BRWD1: variants seen among roughly 807,000 people sequenced by gnomAD.
BRWD1 encodes bromodomain and WD repeat domain containing 1.
Under a neutral mutation model 251.2 loss-of-function variants are expected in BRWD1, and 82 were observed. That is an observed-to-expected ratio of 0.33 (90% confidence interval 0.27 to 0.39). BRWD1 has a LOEUF of 0.39. Among genes scored for constraint, BRWD1 ranks in the 10% least tolerant of loss-of-function variants. The pLI, the probability that BRWD1 is intolerant of heterozygous loss-of-function variation, is 1.00. For missense variants in BRWD1, 2,233 were observed against 2,711.6 expected (o/e 0.82, Z 3.92); for synonymous variants, 918 against 902.8 (o/e 1.02, Z -0.30).
upstream of BRWD1, among the ~76,000 whole-genome samples, chr21:39,315,488 G>A (rs985583824): frequency 1.3e-5 from 2 of 152,004 alleles, no homozygotes; most frequent in Admixed American, 6.5e-5. Context: ...AAAAAAATTA[G>A]CCAGGTGTGG....
chr21:39,274,470 A>T lies in BRWD1; in HGVS notation c.1148T>A (p.Phe383Tyr). ...SIQFCNNGDR[F>Y]LSGSRDGTAR... ...TGTTCCATCTCTGCTACCACTTAGGAACCTTAAAACATTCAGAACAGGATC... is the reference window on the plus strand; with the variant it reads ...TGTTCCATCTCTGCTACCACTTAGGTACCTTAAAACATTCAGAACAGGATC... Residue 383 changes from phenylalanine to tyrosine, a missense_variant and splice_region_variant, in exon 13 of 41, where the codon TTC (phenylalanine) becomes TAC (tyrosine). Phe to Tyr is a conservative substitution (Grantham distance 22). This residue lies in a region of BRWD1 where 315 missense variants were observed against 421.8 expected (regional missense o/e 0.75). Coordinates refer to ENST00000342449, the MANE Select transcript of BRWD1 (RefSeq NM_033656.4). 1 of 1,612,186 alleles carries T rather than the reference A, an allele frequency of 6.2e-7. No individual in the cohort carries two copies. Among genetic ancestry groups the T allele is most frequent in the Non-Finnish European group, 8.5e-7 (1 of 1,178,440 alleles).
chr21:39,189,220 T>A lies in BRWD1; in HGVS notation c.*7039A>T, dbSNP rs1204366417. ...ATAGTAGGATGAGAATATACTATTA[T>A]CAACTAGCTGCACCATTTGCATTTG... is the stretch of plus-strand genomic sequence containing the variant. On this transcript the variant is annotated 3_prime_UTR_variant, in exon 41 of 41. Coordinates refer to ENST00000342449, the MANE Select transcript of BRWD1 (RefSeq NM_033656.4). The A allele has an allele frequency of 1.0e-6, 1 of 985,106 alleles. No individual in the cohort carries two copies. The highest frequency in any genetic ancestry group is 1.2e-6 in the Non-Finnish European group (1 of 829,742). 61.0% of individuals were successfully genotyped at this position (985,106 alleles called of 1,614,324 possible).
intron 29 of BRWD1, among the ~76,000 whole-genome samples, chr21:39,220,244 G>C (rs1222836853): frequency 5.9e-5 from 9 of 152,110 alleles, no homozygotes; most frequent in Non-Finnish European, 4.4e-5. Flanking sequence ...AGAAATGACA[G>C]GAAGCCAGGA....
At chr21:39,248,640 CCAAAA>C (rs2034281433) in intron 20 of BRWD1, among the ~76,000 whole-genome samples, 1 of 29,692 alleles carries the variant, frequency 3.4e-5, no homozygotes, top group Non-Finnish European at 5.5e-5. Context: ...ACCCTATCTC[CCAAAA>C]AAAAAAAAAA....
chr21:39,228,505 T>C lies in BRWD1; in HGVS notation c.3203A>G (p.Gln1068Arg). The C allele has an allele frequency of 6.2e-7, 1 of 1,609,290 alleles. No homozygotes were observed. The highest frequency in any genetic ancestry group is 1.1e-5 in the South Asian group (1 of 90,930). ...FYDEARQRNW[Q>R]SCDRFRSIID... ...CTTAGTAAGGATAGACTTACAAGAC[T>C]GCCAATTCCTCTGTCTTGCTTCATC... The change falls in exon 27 of 41, where the codon CAG (glutamine) becomes CGG (arginine). Residue 1068 changes from glutamine (Q) to arginine (R), a missense_variant. Physicochemically the swap from Gln to Arg is conservative, Grantham distance 43. This residue lies in a region of BRWD1 where 139 missense variants were observed against 272.8 expected (regional missense o/e 0.51). Transcript: ENST00000342449.
At chr21:39,222,400 C>A (rs563750612) in intron 29 of BRWD1, among the ~76,000 whole-genome samples, 1 of 152,118 alleles carries the variant, frequency 6.6e-6, no homozygotes, top group Admixed American at 6.6e-5. Context: ...AGGCCATGGC[C>A]CCTGAAAAAC....
At chr21:39,274,565 G>T in intron 12 of BRWD1, 93 bp from the exon 13 acceptor site, 1 of 1,023,428 alleles carries the variant, frequency 9.8e-7, no homozygotes, top group Non-Finnish European at 1.5e-6. Flanking sequence ...ATGTAATGAA[G>T]CTGTCCTAAC....
intron 17 of BRWD1, 73 bp downstream of exon 17, chr21:39,264,387 A>G: frequency 1.1e-6 from 1 of 922,576 alleles, no homozygotes. Context: ...AAAGGTAAGG[A>G]AATTATTTAT....
intron 4 of BRWD1, among the ~76,000 whole-genome samples, chr21:39,302,907 G>A (rs1191168408): frequency 6.6e-6 from 1 of 151,142 alleles, no homozygotes; most frequent in Non-Finnish European, 1.5e-5. Flanking sequence ...TAAAAATACA[G>A]AAAGTAGCTG....
chr21:39,313,509 G>A lies in BRWD1; in HGVS notation c.-18C>T. On this transcript the variant is annotated 5_prime_UTR_variant, in exon 1 of 41. Transcript: ENST00000342449. ...TCCGCCATGGCCGGGCGCGGGGCGG[G>A]AGGCGGGAGCGAGCGAGCGAGCGGA... The A allele has an allele frequency of 1.5e-6, 2 of 1,330,746 alleles. No individual in the cohort carries two copies. Among genetic ancestry groups the A allele is most frequent in the Non-Finnish European group, 1.9e-6 (2 of 1,046,984 alleles). The allele number at this position is 1,330,746 out of a possible 1,614,324, so 82.4% of individuals were successfully genotyped here.
intron 33 of BRWD1, among the ~76,000 whole-genome samples, chr21:39,213,238 G>A (rs1304375463): frequency 6.6e-6 from 1 of 152,040 alleles, no homozygotes; most frequent in Non-Finnish European, 1.5e-5. Flanking sequence ...CCTTTCACTA[G>A]CTAAAATATA....
chr21:39,196,892 A>G lies in BRWD1; in HGVS notation c.6177T>C (p.His2059=), dbSNP rs764170211. The G allele has an allele frequency of 1.1e-5, 17 of 1,613,780 alleles. No individual in the cohort carries two copies. The highest frequency in any genetic ancestry group is 1.4e-5 in the Non-Finnish European group (17 of 1,179,958). The change falls in exon 41 of 41, where the codon CAT becomes CAC. Residue 2059 remains histidine, a synonymous_variant. Transcript: ENST00000342449. ...VTSSGEDSKS[H]IPGSETDRTF... ...TCCTATCAGTCTCACTCCCTGGAATATGACTTTTTGAATCTTCTCCTGAAG... is the reference window on the plus strand; with the variant it reads ...TCCTATCAGTCTCACTCCCTGGAATGTGACTTTTTGAATCTTCTCCTGAAG...
chr21:39,268,525 A>G (rs2146666191), intron 15 of BRWD1, among the ~76,000 whole-genome samples: 1 of 152,244 alleles, frequency 6.6e-6, no homozygotes, highest in South Asian at 2.1e-4. Flanking sequence ...TGAAGGACAC[A>G]ATATCACTTA....
intron 4 of BRWD1, among the ~76,000 whole-genome samples, chr21:39,304,284 G>C (rs902291260): frequency 2.0e-5 from 3 of 150,806 alleles, no homozygotes; most frequent in Non-Finnish European, 3.0e-5. Flanking sequence ...ATAAAGAACA[G>C]GTAGACTTAA....
chr21:39,297,840 ATAT>A (rs2035999810), intron 5 of BRWD1: 1 of 960,856 alleles, frequency 1.0e-6, no homozygotes, highest in African/African-American at 1.8e-5. Context: ...ATGTACACAT[ATAT>A]TATATCACAT....
chr21:39,308,609 T>TAAA (rs552097862), intron 4 of BRWD1, among the ~76,000 whole-genome samples: 2 of 151,942 alleles, frequency 1.3e-5, no homozygotes, highest in Non-Finnish European at 2.9e-5. Flanking sequence ...TAGAATCATC[T>TAAA]AAAAAGCTTT....
At chr21:39,313,842 G>A (rs1207087580), upstream of BRWD1, 2 of 348,308 alleles carry the variant, frequency 5.7e-6, no homozygotes, top group East Asian at 8.9e-5. Context: ...AGCGAGTGGG[G>A]GAGGGGAGGG....
Position 39,249,916 on chromosome 21 carries a change from GT to G in BRWD1, c.2349+879del, listed in dbSNP as rs35552370. Among the ~76,000 whole-genome samples the G allele has an allele frequency of 0.02, 137 of 6,904 alleles. 2 individuals are homozygous for G. The East Asian group carries it at 0.45, about 23-fold the overall frequency. The allele number at this position is 6,904 out of a possible 152,430, so 4.5% of individuals were successfully genotyped here. On this transcript the variant is annotated intron_variant, in intron 20 of 40. Coordinates refer to ENST00000342449, the MANE Select transcript of BRWD1 (RefSeq NM_033656.4). ...AACCAAGATCAAAAAAAGAAGGGGG[GT>G]GTGTGTGTGTGTGTGTGTGTGTGTG...
Position 39,238,498 on chromosome 21 carries a change from T to C in BRWD1, c.2557A>G (p.Ser853Gly), listed in dbSNP as rs761125558. The C allele has an allele frequency of 6.2e-7, 1 of 1,613,094 alleles. No homozygotes were observed. The highest frequency in any genetic ancestry group is 8.5e-7 in the Non-Finnish European group (1 of 1,179,254). Residue 853 changes from serine (S) to glycine (G), a missense_variant, in exon 22 of 41, where the codon AGT becomes GGT. By Grantham distance (56) the Ser-to-Gly change is moderately conservative (BLOSUM62 0). Around this residue, in one of 12 missense-constraint regions of BRWD1, gnomAD observed 214 missense variants for 222.0 expected, o/e 0.96. Coordinates refer to ENST00000342449, the MANE Select transcript of BRWD1 (RefSeq NM_033656.4). ...DEWRSDRKSE[S>G]YSESSSDSSS... is the part of the protein sequence containing the mutation. Reference sequence around the variant, plus strand: ...AGATACCTTGAACTTTCGCTGTAACTCTCACTTTTTCTGTCACTTCTCCAT... The same window carrying C: ...AGATACCTTGAACTTTCGCTGTAACCCTCACTTTTTCTGTCACTTCTCCAT...
Sources: allele counts gnomAD v4.1 joint callset (sites outside exome capture counted in the v4.1 genomes callset), GRCh38; gene constraint gnomAD v4.1.1; regional missense constraint gnomAD v4.1.1; transcripts MANE v1.5; gene names NCBI Gene and HGNC (gene_info 2026-07-23, HGNC 2026-07-21).